The following ANO10 variants were observed in gnomAD, a reference collection of about 807,000 sequenced individuals.
ANO10 encodes anoctamin-10.
In ANO10, 77 loss-of-function variants were observed where a neutral mutation model predicts 74.7. The observed-to-expected ratio is 1.03, with a 90% CI of 0.86 to 1.25. The LOEUF (loss-of-function observed/expected upper bound fraction) is 1.25, where lower values mean the gene tolerates loss of function less well. Ranked by LOEUF, ANO10 falls within the 50% of genes most tolerant of loss-of-function variation. The probability of loss-of-function intolerance (pLI) is 0.00; values close to 1 mark genes in which losing one functional copy is unlikely to be tolerated. For missense variants in ANO10, 721 were observed against 778.1 expected (o/e 0.93, Z 0.87); for synonymous variants, 279 against 284.9 (o/e 0.98, Z 0.21).
chr3:43,606,063 C>A (rs193185774), intron 1 of ANO10, among the ~76,000 whole-genome samples, 200 bp from the exon 2 acceptor site: 1 of 152,156 alleles, frequency 6.6e-6, no homozygotes, highest in African/African-American at 2.4e-5. Context: ...GGAAAGAACG[C>A]CATCCTTTTC....
intron 1 of ANO10, among the ~76,000 whole-genome samples, chr3:43,636,885 C>T (rs2083616061): frequency 6.6e-6 from 1 of 152,226 alleles, no homozygotes; most frequent in Admixed American, 6.5e-5. Context: ...CCCATTTAGC[C>T]TGGTGCAGTG....
chr3:43,498,126 A>G (rs762693857), intron 11 of ANO10, among the ~76,000 whole-genome samples: 5 of 152,218 alleles, frequency 3.3e-5, no homozygotes, highest in Non-Finnish European at 7.3e-5. Flanking sequence ...GTATTTCTTT[A>G]AAAAGTATGA....
At chr3:43,384,855 C>T (rs1192368063) in intron 12 of ANO10, among the ~76,000 whole-genome samples, 2 of 152,146 alleles carry the variant, frequency 1.3e-5, no homozygotes, top group Non-Finnish European at 2.9e-5. Context: ...TAGACACTAG[C>T]TTAGGCAAAG....
chr3:43,390,436 G>C (rs1038998635), intron 12 of ANO10, among the ~76,000 whole-genome samples: 4 of 152,152 alleles, frequency 2.6e-5, no homozygotes, highest in African/African-American at 9.7e-5. Context: ...TTTGTTTCAG[G>C]GTCCTCCCAT....
chr3:43,523,706 C>G (rs1426468088), intron 11 of ANO10, among the ~76,000 whole-genome samples: 9 of 152,012 alleles, frequency 5.9e-5, no homozygotes, highest in Non-Finnish European at 1.2e-4. Context: ...TTTGAGATCA[C>G]TGGGAGACAT....
chr3:43,690,775 C>A (rs951272029), intron 1 of ANO10: 3 of 435,832 alleles, frequency 6.9e-6, no homozygotes, highest in Non-Finnish European at 1.2e-5. Flanking sequence ...GAGCGTCGGG[C>A]GGGAGAACTA....
intron 1 of ANO10, among the ~76,000 whole-genome samples, chr3:43,687,152 C>A (rs2084286281): frequency 6.6e-6 from 1 of 152,118 alleles, no homozygotes; most frequent in South Asian, 2.1e-4. Context: ...TACAGCATTT[C>A]TTTATAAACA....
At chr3:43,428,796 C>CAAAA (rs56213626) in intron 12 of ANO10, among the ~76,000 whole-genome samples, 28,386 of 54,702 alleles carry the variant, frequency 0.52, 10,330 homozygotes, top group East Asian at 0.79. Context: ...TTTGTGAATG[C>CAAAA]AAAAAAAAAA....
chr3:43,457,388 A>C (rs533162349), intron 11 of ANO10, among the ~76,000 whole-genome samples: 1 of 152,234 alleles, frequency 6.6e-6, no homozygotes, highest in African/African-American at 2.4e-5. Context: ...GGGAGGCCTC[A>C]GGAAACTTAC....
chr3:43,605,929 A>T, intron 1 of ANO10, 66 bp from the exon 2 acceptor site: 3 of 1,551,090 alleles, frequency 1.9e-6, no homozygotes, highest in Non-Finnish European at 2.6e-6. Context: ...TATGCTATAG[A>T]CTTCATTTTC....
chr3:43,591,519 A>C (rs2081756354), intron 4 of ANO10, among the ~76,000 whole-genome samples: 1 of 152,182 alleles, frequency 6.6e-6, no homozygotes, highest in Non-Finnish European at 1.5e-5. Flanking sequence ...CCTTGGGAGC[A>C]GCCTGCCCCC....
At chr3:43,689,524 T>C (rs2084323244) in intron 1 of ANO10, 1 of 152,234 alleles carries the variant, frequency 6.6e-6, no homozygotes, top group South Asian at 2.1e-4. Flanking sequence ...AAATATTTTA[T>C]GAATTAGATC....
chr3:43,399,707 A>C (rs937415725), intron 12 of ANO10, among the ~76,000 whole-genome samples: 24 of 152,200 alleles, frequency 1.6e-4, no homozygotes, highest in African/African-American at 5.5e-4. Context: ...TATTTAGGGC[A>C]TATGAGCAAG....
At chr3:43,575,319 A>T (rs1490474924) in intron 6 of ANO10, among the ~76,000 whole-genome samples, 2 of 152,246 alleles carry the variant, frequency 1.3e-5, no homozygotes. Flanking sequence ...AGAAAAGGTA[A>T]TACTGCATAG....
At chr3:43,599,907 A>G (rs896396822) in intron 3 of ANO10, among the ~76,000 whole-genome samples, 9 of 148,740 alleles carry the variant, frequency 6.1e-5, no homozygotes, top group Non-Finnish European at 1.0e-4. Context: ...CTCTGTCTCA[A>G]AAAAAAAAAA....
intron 9 of ANO10, among the ~76,000 whole-genome samples, chr3:43,557,651 T>C (rs1261431047): frequency 7.0e-6 from 1 of 143,618 alleles, no homozygotes; most frequent in Non-Finnish European, 1.5e-5. Flanking sequence ...AGGAGAATGG[T>C]ATAAACCTGG....
intron 1 of ANO10, among the ~76,000 whole-genome samples, chr3:43,679,320 C>T (rs1385752529): frequency 2.6e-5 from 4 of 152,198 alleles, no homozygotes; most frequent in Non-Finnish European, 5.9e-5. Flanking sequence ...GAGGGTCCTA[C>T]GCCCACGGAG....
intron 11 of ANO10, among the ~76,000 whole-genome samples, chr3:43,501,212 G>T (rs2077089396): frequency 6.6e-6 from 1 of 152,166 alleles, no homozygotes; most frequent in Admixed American, 6.5e-5. Context: ...AGCCAGCTAT[G>T]CAGTCACATG....
intron 12 of ANO10, among the ~76,000 whole-genome samples, chr3:43,408,938 G>A (rs2092621840): frequency 6.6e-6 from 1 of 152,004 alleles, no homozygotes; most frequent in Non-Finnish European, 1.5e-5. Flanking sequence ...AGGCTGAGGT[G>A]GGAGAATACC....
Sources: gnomAD v4.1 joint callset for allele counts (sites outside exome capture counted in the v4.1 genomes callset) on GRCh38, gnomAD v4.1.1 for gene constraint, MANE v1.5 for transcripts, NCBI Gene and HGNC (gene_info 2026-07-23, HGNC 2026-07-21) for gene names.